The following NELFCD variants were observed in gnomAD, a reference collection of about 807,000 sequenced individuals.
The protein encoded by NELFCD is negative elongation factor complex member C/D.
NELFCD carries 48 observed loss-of-function variants against 72.9 expected under a neutral mutation model. That is an observed-to-expected ratio of 0.66 (90% CI 0.52 to 0.84). The LOEUF is 0.84. Among genes scored for constraint, NELFCD ranks in the 40% least tolerant of loss-of-function variants. NELFCD has a pLI of 0.00. For missense variants in NELFCD, 538 were observed against 723.8 expected, an observed-to-expected ratio of 0.74 and a Z score of 2.94; for synonymous variants, 297 against 280.6, an observed-to-expected ratio of 1.06 and a Z score of -0.59.
At position 58,994,211 on chromosome 20, in the gene NELFCD, C is replaced by G; in HGVS notation, c.1683C>G (p.Gly561=). The change falls in exon 14 of 15, where the codon GGC becomes GGG. Residue 561 remains glycine, a synonymous_variant. Coordinates refer to ENST00000652272, the MANE Select transcript of NELFCD (RefSeq NM_198976.4). Reference sequence around the variant, plus strand: ...TCGCAGGTACCATCAAAACGGAAGGCGAGCATGACCCTGTGACGGAGTTTA... The same window carrying G: ...TCGCAGGTACCATCAAAACGGAAGGGGAGCATGACCCTGTGACGGAGTTTA... The part of the protein sequence containing the change: ...DSIAGTIKTE[G]EHDPVTEFIA... The G allele has an allele frequency of 6.2e-7, 1 of 1,614,096 alleles. No individual in the cohort carries two copies. Among genetic ancestry groups the G allele is most frequent in the Non-Finnish European group, 8.5e-7 (1 of 1,179,968 alleles).
At chr20:58,985,520 A>G (rs2091765441) in intron 1 of NELFCD, among the ~76,000 whole-genome samples, 1 of 152,188 alleles carries the variant, frequency 6.6e-6, no homozygotes, top group African/African-American at 2.4e-5. Context: ...ACAGGCCTGA[A>G]GTTGCTTCCA....
At position 58,981,385 on chromosome 20, in the gene NELFCD, G is replaced by T; in HGVS notation, c.60+16G>T. The stretch of plus-strand genomic sequence containing the variant: ...CGGCGGCCAGGTGAGGCGGGGCACT[G>T]GGCGCACCCTAGAGAGAATCGTTCG... On this transcript the variant is annotated intron_variant, in intron 1 of 14. Coordinates refer to ENST00000652272, the MANE Select transcript of NELFCD (RefSeq NM_198976.4). The T allele has an allele frequency of 1.9e-6, 2 of 1,054,126 alleles. No individual in the cohort carries two copies. The highest frequency in any genetic ancestry group is 8.3e-5 in the South Asian group (2 of 24,148). 65.3% of individuals were successfully genotyped at this position (1,054,126 alleles called of 1,614,324 possible).
At position 58,989,901 on chromosome 20, in the gene NELFCD, C is replaced by T. The variant is rs2091802361; in HGVS notation, c.701C>T (p.Ala234Val). Residue 234 changes from alanine (A) to valine (V), a missense_variant, in exon 7 of 15, where the codon GCC becomes GTC. Ala to Val is a moderately conservative substitution (Grantham distance 64). Coordinates refer to ENST00000652272, the MANE Select transcript of NELFCD (RefSeq NM_198976.4). ...GAGCACACGTACCTGTTTGCCCAGG[C>T]CATGATGTCCGTGCTGGCCCAGGAG... ...HGEHTYLFAQ[A>V]MMSVLAQEEQ... 5 of 1,614,098 alleles carry T rather than the reference C, an allele frequency of 3.1e-6. No individual in the cohort carries two copies. The Admixed American group carries it at 8.3e-5, about 27-fold the overall frequency.
Position 58,992,020 on chromosome 20 carries a change from G to A in NELFCD, c.1229G>A (p.Arg410Lys). 6.2e-7 allele frequency: 1 copy of A among 1,606,908 alleles called. No homozygotes were observed. The highest frequency in any genetic ancestry group is 8.5e-7 in the Non-Finnish European group (1 of 1,175,534). Residue 410 changes from arginine to lysine, a missense_variant and splice_region_variant, in exon 10 of 15, where the codon AGG (arginine) becomes AAG (lysine). Physicochemically the swap from Arg to Lys is conservative, Grantham distance 26. Around this residue, in one of 3 missense-constraint regions of NELFCD, gnomAD observed 355 missense variants for 534.5 expected, o/e 0.66. Transcript: ENST00000652272. Reference protein sequence around the residue: ...AELSTLYQCIRFPVVAMGVLK... With the variant: ...AELSTLYQCIKFPVVAMGVLK... Reference sequence around the variant, plus strand: ...TTGAGCACACTTTATCAGTGTATTAGGTAAGCAAAACGAAACTCAGTTCTT... The same window carrying A: ...TTGAGCACACTTTATCAGTGTATTAAGTAAGCAAAACGAAACTCAGTTCTT...
In NELFCD at chr20:58,986,069, C is replaced by T. The variant is rs988262009; in HGVS notation, c.61-24C>T. On this transcript the variant is annotated intron_variant, in intron 1 of 14. Transcript: ENST00000652272. This position sits in a 1 kb window ranked among gnomAD's most constrained non-coding sequence, Gnocchi z 4.4. ...TATTTGTATTAATGAAAAAAATATC[C>T]TGGCTCTTCGCATTTACCAACAGCA... 6.6e-7 allele frequency: 1 copy of T among 1,514,798 alleles called. No individual in the cohort carries two copies. The highest frequency in any genetic ancestry group is 9.2e-7 in the Non-Finnish European group (1 of 1,089,544). The allele number at this position is 1,514,798 out of a possible 1,614,324, so 93.8% of individuals were successfully genotyped here.
intron 5 of NELFCD, 138 bp from the exon 6 acceptor site, chr20:58,989,350 G>A (rs2091796016): frequency 1.0e-6 from 1 of 961,694 alleles, no homozygotes. Flanking sequence ...GTGATAGCAG[G>A]GTGAGGGCGG....
Position 58,988,922 on chromosome 20 carries a change from G to A in NELFCD, c.405G>A (p.Ala135=), listed in dbSNP as rs139317340. 746 of 1,613,454 alleles carry A rather than the reference G, an allele frequency of 4.6e-4. 4 individuals are homozygous for A. In the East Asian group the frequency reaches 0.015, roughly 33 times the overall value. The change falls in exon 5 of 15, where the codon GCG becomes GCA. Residue 135 remains alanine (A), a synonymous_variant. Transcript: ENST00000652272. ...SIFTEEGETP[A]WLEQMIAHTT... The stretch of plus-strand genomic sequence containing the variant: ...TGTGTGTGTGTTGGCAGACCCCAGC[G>A]TGGCTGGAACAGATGATTGCACATA...
In NELFCD at chr20:58,986,724, G is replaced by C. The variant is rs1020317476; in HGVS notation, c.177-30G>C. 1.5e-6 allele frequency: 2 copies of C among 1,307,646 alleles called. No homozygotes were observed. The highest frequency in any genetic ancestry group is 2.2e-6 in the Non-Finnish European group (2 of 900,514). The allele number at this position is 1,307,646 out of a possible 1,614,324, so 81.0% of individuals were successfully genotyped here. A position where few individuals can be genotyped will look rare whatever the true frequency, so the allele number is the denominator to read the frequency against. On this transcript the variant is annotated intron_variant, in intron 2 of 14. Coordinates refer to ENST00000652272, the MANE Select transcript of NELFCD (RefSeq NM_198976.4). The surrounding 1 kb of genome is among the most constrained non-coding windows in gnomAD (Gnocchi z 4.4). ...CTGTTGTCCATCATTCCATTCATTC[G>C]GGTGTAATTGCTGTTGTTACTTTCC... is the stretch of plus-strand genomic sequence containing the variant.
rs1237137584 is a variant in NELFCD at position 58,994,998 on chromosome 20, G to C, written c.*322G>C. On this transcript the variant is annotated 3_prime_UTR_variant, in exon 15 of 15. Transcript: ENST00000652272. ...CCGCGGGCCGCTGGGAACTCCACTCGGGGAACTCCTTTCCAAGCTGACCTC... is the reference window on the plus strand; with the variant it reads ...CCGCGGGCCGCTGGGAACTCCACTCCGGGAACTCCTTTCCAAGCTGACCTC... 2 of 286,134 alleles carry C rather than the reference G, an allele frequency of 7.0e-6. No individual in the cohort carries two copies. Among genetic ancestry groups the C allele is most frequent in the Non-Finnish European group, 1.3e-5 (2 of 154,242 alleles). The allele number at this position is 286,134 out of a possible 1,614,324, so 17.7% of individuals were successfully genotyped here. A position where few individuals can be genotyped will look rare whatever the true frequency, so the allele number is the denominator to read the frequency against.
At chr20:58,990,533 C>G (rs144566617) in intron 7 of NELFCD, 7 of 188,766 alleles carry the variant, frequency 3.7e-5, no homozygotes, top group African/African-American at 1.6e-4. Context: ...GCACTTGATT[C>G]GTCTTCCCTT....
rs753412334 is a variant in NELFCD at position 58,994,216 on chromosome 20, A to G, written c.1688A>G (p.His563Arg). 2 of 1,614,184 alleles carry G rather than the reference A, an allele frequency of 1.2e-6. No individual in the cohort carries two copies. Among genetic ancestry groups the G allele is most frequent in the East Asian group, 2.2e-5 (1 of 44,876 alleles). ...GGTACCATCAAAACGGAAGGCGAGCATGACCCTGTGACGGAGTTTATAGGT... is the reference window on the plus strand; with the variant it reads ...GGTACCATCAAAACGGAAGGCGAGCGTGACCCTGTGACGGAGTTTATAGGT... The part of the protein sequence containing the change: ...IAGTIKTEGE[H>R]DPVTEFIAHC... Residue 563 changes from histidine (H) to arginine (R), a missense_variant, in exon 14 of 15, where the codon CAT becomes CGT. Around this residue, in one of 3 missense-constraint regions of NELFCD, gnomAD observed 136 missense variants for 154.0 expected, o/e 0.88. Coordinates refer to ENST00000652272, the MANE Select transcript of NELFCD (RefSeq NM_198976.4).
Position 58,986,890 on chromosome 20 carries a change from G to A in NELFCD, c.286+27G>A. 6.8e-7 allele frequency: 1 copy of A among 1,461,986 alleles called. No homozygotes were observed. Among genetic ancestry groups the A allele is most frequent in the Non-Finnish European group, 9.5e-7 (1 of 1,053,590 alleles). The allele number at this position is 1,461,986 out of a possible 1,614,324, so 90.6% of individuals were successfully genotyped here. On this transcript the variant is annotated intron_variant, in intron 3 of 14. Transcript: ENST00000652272. This position sits in a 1 kb window ranked among gnomAD's most constrained non-coding sequence, Gnocchi z 4.4. Reference sequence around the variant, plus strand: ...TGCTTTGTGGGTGTCCCCTGTCCTGGCTAGTTACCCCCACTTTTTTAAAAA... The same window carrying A: ...TGCTTTGTGGGTGTCCCCTGTCCTGACTAGTTACCCCCACTTTTTTAAAAA...
intron 8 of NELFCD, 91 bp from the exon 9 acceptor site, chr20:58,991,220 TG>T: frequency 6.3e-7 from 1 of 1,577,408 alleles, no homozygotes; most frequent in Non-Finnish European, 8.7e-7. Flanking sequence ...TGGAGCCTGT[TG>T]GGCCCCTGCT....
At chr20:58,989,083 T>A in intron 5 of NELFCD, 62 bp downstream of exon 5, 1 of 1,275,346 alleles carries the variant, frequency 7.8e-7, no homozygotes, top group Non-Finnish European at 1.1e-6. Context: ...TGGTTGTTGG[T>A]CTGTTTCCTT....
intron 1 of NELFCD, among the ~76,000 whole-genome samples, chr20:58,982,481 A>G (rs2091742623): frequency 6.6e-6 from 1 of 152,156 alleles, no homozygotes; most frequent in South Asian, 2.1e-4. Flanking sequence ...TTTTAACAAC[A>G]ATCAAGATTG....
At chr20:58,982,061 A>G (rs1320401681) in intron 1 of NELFCD, among the ~76,000 whole-genome samples, 2 of 150,592 alleles carry the variant, frequency 1.3e-5, no homozygotes, top group African/African-American at 4.9e-5. Context: ...ACTGAGGCGC[A>G]TGATTGAAAT....
At chr20:58,983,675 C>T (rs1377351701) in intron 1 of NELFCD, among the ~76,000 whole-genome samples, 1 of 152,192 alleles carries the variant, frequency 6.6e-6, no homozygotes, top group Non-Finnish European at 1.5e-5. Context: ...ATCTGCCCGC[C>T]TCCGCCTCTC....
At chr20:58,985,663 A>G (rs1360496889) in intron 1 of NELFCD, among the ~76,000 whole-genome samples, 10 of 152,362 alleles carry the variant, frequency 6.6e-5, no homozygotes, top group Admixed American at 5.9e-4. Flanking sequence ...TGTATGAAAT[A>G]AGAATAGTGA....
chr20:58,986,679 C>T lies in NELFCD; in HGVS notation c.177-75C>T. The T allele has an allele frequency of 1.9e-6, 2 of 1,058,176 alleles. No homozygotes were observed. The highest frequency in any genetic ancestry group is 3.0e-6 in the Non-Finnish European group (2 of 673,120). 65.5% of individuals were successfully genotyped at this position (1,058,176 alleles called of 1,614,324 possible). On this transcript the variant is annotated intron_variant, in intron 2 of 14. Coordinates refer to ENST00000652272, the MANE Select transcript of NELFCD (RefSeq NM_198976.4). The surrounding 1 kb of genome is among the most constrained non-coding windows in gnomAD (Gnocchi z 4.4). ...TTTAAAAATTTTGAAACCTGATTCT[C>T]TTCCTCCTTCCTTACCTTCCTGTTG...
Sources: allele counts gnomAD v4.1 joint callset (sites outside exome capture counted in the v4.1 genomes callset), GRCh38; gene constraint gnomAD v4.1.1; regional missense constraint gnomAD v4.1.1; non-coding constraint Gnocchi (gnomAD v3.1); transcripts MANE v1.5; gene names NCBI Gene and HGNC (gene_info 2026-07-23, HGNC 2026-07-21).